Variants in GABRR1 observed in about 807,000 individuals in gnomAD.
GABRR1 encodes gamma-aminobutyric acid type A receptor subunit rho1, also known as gamma-aminobutyric acid receptor subunit rho-1.
GABRR1 carries 59 observed loss-of-function variants against 55.5 expected under a neutral mutation model. The observed-to-expected ratio is 1.06, with a 90% CI of 0.86 to 1.32. GABRR1 has a LOEUF of 1.32. Among genes scored for constraint, GABRR1 ranks in the 40% most tolerant of loss-of-function variants. GABRR1 has a pLI of 0.00. For synonymous variants in GABRR1, 213 were observed against 226.0 expected (o/e 0.94, Z 0.51); for missense variants, 602 against 619.1 (o/e 0.97, Z 0.29).
At position 89,185,465 on chromosome 6, in the gene GABRR1, G is replaced by T. The variant is rs1181968544; in HGVS notation, c.656-15C>A. The T allele has an allele frequency of 1.2e-6, 2 of 1,612,070 alleles. No individual in the cohort carries two copies. Among genetic ancestry groups the T allele is most frequent in the South Asian group, 1.1e-5 (1 of 91,020 alleles). ...TGTATAGGCATCTGAAAAGACAGGG[G>T]CCAGCATCAGACACAAGGTGGTGGC... is the stretch of plus-strand genomic sequence containing the variant. On this transcript the variant is annotated splice_polypyrimidine_tract_variant and intron_variant, in intron 6 of 9. Coordinates refer to ENST00000454853, the MANE Select transcript of GABRR1 (RefSeq NM_002042.5).
chr6:89,188,738 G>A (rs1414751652), intron 6 of GABRR1, among the ~76,000 whole-genome samples: 1 of 152,090 alleles, frequency 6.6e-6, no homozygotes, highest in African/African-American at 2.4e-5. Context: ...CTCTGATAAT[G>A]TCGATGCACA....
chr6:89,191,126 G>T (rs1772071648), intron 5 of GABRR1, among the ~76,000 whole-genome samples: 1 of 152,230 alleles, frequency 6.6e-6, no homozygotes, highest in Admixed American at 6.5e-5. Context: ...TCAAGGAAAA[G>T]AACATTCTTG....
intron 5 of GABRR1, among the ~76,000 whole-genome samples, chr6:89,196,822 GGAAA>G (rs59446411): frequency 0.031 from 2,802 of 91,036 alleles, 41 homozygotes; most frequent in East Asian, 0.043. Flanking sequence ...AAGAAAAGAA[GGAAA>G]GAAAGAAAGA....
chr6:89,196,416 G>C (rs1159499094), intron 5 of GABRR1, among the ~76,000 whole-genome samples: 2 of 152,014 alleles, frequency 1.3e-5, no homozygotes, highest in Non-Finnish European at 2.9e-5. Context: ...TGTAGCCTTG[G>C]TGGTGCCATT....
chr6:89,187,328 A>T (rs895328954), intron 6 of GABRR1, among the ~76,000 whole-genome samples: 1 of 152,122 alleles, frequency 6.6e-6, no homozygotes, highest in African/African-American at 2.4e-5. Context: ...TGTATTTATG[A>T]TGCATGATAA....
chr6:89,201,120 C>T (rs1041558612), intron 3 of GABRR1, 39 bp downstream of exon 3: 10 of 1,465,674 alleles, frequency 6.8e-6, no homozygotes, highest in Non-Finnish European at 9.6e-6. Context: ...GACAGAGGAC[C>T]AGAAGAAAGA....
rs1772395510 is a variant in GABRR1 at position 89,199,391 on chromosome 6, T to G, written c.319A>C (p.Ser107Arg). The G allele has an allele frequency of 6.2e-7, 1 of 1,613,750 alleles. No homozygotes were observed. Among genetic ancestry groups the G allele is most frequent in the Non-Finnish European group, 8.5e-7 (1 of 1,179,894 alleles). ...TCAACCTCTGAGATGCTATCCAAAC[T>G]CTCCACCTGCACATCCACACCAACA... ...IPVGVDVQVE[S>R]LDSISEVDMD... The change falls in exon 4 of 10, where the codon AGT (serine) becomes CGT (arginine). Residue 107 changes from serine to arginine, a missense_variant. Around this residue, in one of 3 missense-constraint regions of GABRR1, gnomAD observed 435 missense variants for 424.2 expected, o/e 1.03. Coordinates refer to ENST00000454853, the MANE Select transcript of GABRR1 (RefSeq NM_002042.5).
chr6:89,186,675 T>C (rs996474266), intron 6 of GABRR1, among the ~76,000 whole-genome samples: 4 of 152,272 alleles, frequency 2.6e-5, no homozygotes, highest in Admixed American at 1.3e-4. Flanking sequence ...AACTAAGTTC[T>C]GGAGACAATG....
In GABRR1 at chr6:89,212,235, A is replaced by G. The variant is rs1161360402; in HGVS notation, c.122+4966T>C. The G allele has an allele frequency of 6.3e-6, 2 of 318,782 alleles. 1 individual carries two copies. Among genetic ancestry groups the G allele is most frequent in the Non-Finnish European group, 8.3e-6 (2 of 241,144 alleles). 19.7% of individuals were successfully genotyped at this position (318,782 alleles called of 1,614,324 possible). A position where few individuals can be genotyped will look rare whatever the true frequency, so the allele number is the denominator to read the frequency against. ...CCCTGAAGCCAATCAGATTCTGACCATTCTAGCTCCTTGAAAGCTCTCATA... is the reference window on the plus strand; with the variant it reads ...CCCTGAAGCCAATCAGATTCTGACCGTTCTAGCTCCTTGAAAGCTCTCATA... On this transcript the variant is annotated intron_variant, in intron 1 of 9. Transcript: ENST00000454853.
At chr6:89,214,911 C>T (rs1772940650) in intron 1 of GABRR1, among the ~76,000 whole-genome samples, 1 of 152,088 alleles carries the variant, frequency 6.6e-6, no homozygotes, top group Non-Finnish European at 1.5e-5. Context: ...CCTGTAGTCC[C>T]AGCTATTCAA....
chr6:89,188,767 T>C (rs914859204), intron 6 of GABRR1, among the ~76,000 whole-genome samples: 2 of 152,186 alleles, frequency 1.3e-5, no homozygotes, highest in African/African-American at 4.8e-5. Flanking sequence ...AATTTTCATG[T>C]AGTCCAATTT....
At position 89,217,304 on chromosome 6, in the gene GABRR1, T is replaced by C. The variant is rs1490619719; in HGVS notation, c.19A>G (p.Met7Val). MLAVPN[M>V]RFGIFLLWWG... ...CACAAAAGAAAGATGCCAAATCTCA[T>C]ATTTGGGACAGCCAACATGGGTTTC... Residue 7 changes from methionine (M) to valine (V), a missense_variant, in exon 1 of 10, where the codon ATG becomes GTG. Transcript: ENST00000454853. 6.2e-7 allele frequency: 1 copy of C among 1,614,140 alleles called. No individual in the cohort carries two copies. The highest frequency in any genetic ancestry group is 8.5e-7 in the Non-Finnish European group (1 of 1,179,984).
At chr6:89,207,530 G>T (rs1024690525) in intron 1 of GABRR1, among the ~76,000 whole-genome samples, 1 of 152,116 alleles carries the variant, frequency 6.6e-6, no homozygotes, top group Admixed American at 6.5e-5. Context: ...TTATGATAAG[G>T]CTGAGATTCT....
intron 1 of GABRR1, chr6:89,231,141 C>T (rs1412630721): frequency 6.5e-6 from 1 of 153,646 alleles, no homozygotes; most frequent in Non-Finnish European, 1.4e-5. Flanking sequence ...TGCGCGCACC[C>T]ACTGGCCTGC....
rs200696506 is a variant in GABRR1 at position 89,178,823 on chromosome 6, A to G, written c.1387T>C (p.Phe463Leu). ...HAIDKYSRII[F>L]PAAYILFNLI... is the part of the protein sequence containing the mutation. The stretch of plus-strand genomic sequence containing the variant: ...TTGAATAAAATGTATGCTGCTGGAA[A>G]GATGATCCTGGAGTATTTATCAATG... Residue 463 changes from phenylalanine to leucine, a missense_variant, in exon 10 of 10, where the codon TTT (phenylalanine) becomes CTT (leucine). Physicochemically the swap from Phe to Leu is conservative, Grantham distance 22 (BLOSUM62 0). Transcript: ENST00000454853. The G allele has an allele frequency of 1.3e-5, 21 of 1,614,208 alleles. No individual in the cohort carries two copies. The East Asian group carries it at 4.2e-4, about 33-fold the overall frequency.
intron 1 of GABRR1, among the ~76,000 whole-genome samples, chr6:89,224,013 G>A (rs567182041): frequency 1.3e-5 from 2 of 151,770 alleles, no homozygotes; most frequent in African/African-American, 2.4e-5. Context: ...TGCCTGCCTC[G>A]GCCTCCCAAA....
At chr6:89,223,048 T>C (rs1046613602) in intron 1 of GABRR1, among the ~76,000 whole-genome samples, 46 of 145,222 alleles carry the variant, frequency 3.2e-4, no homozygotes, top group Non-Finnish European at 6.7e-4. Context: ...CTTGTCTAGA[T>C]TTTTTTTTTT....
At chr6:89,204,628 T>A (rs1772586049) in intron 1 of GABRR1, 2 of 1,278,028 alleles carry the variant, frequency 1.6e-6, no homozygotes, top group Non-Finnish European at 2.0e-6. Context: ...ATGGAACCAG[T>A]CACTGATGAA....
Position 89,180,349 on chromosome 6 carries a change from C to T in GABRR1, c.1089G>A (p.Ala363=), listed in dbSNP as rs149221561. The change falls in exon 9 of 10, where the codon GCG becomes GCA. Residue 363 remains alanine (A), a synonymous_variant. Coordinates refer to ENST00000454853, the MANE Select transcript of GABRR1 (RefSeq NM_002042.5). Reference sequence around the variant, plus strand: ...GCACAGTGGTCAGGTAGTTGACGGCCGCATACTCCAGCACCGAGAGGAACA... The same window carrying T: ...GCACAGTGGTCAGGTAGTTGACGGCTGCATACTCCAGCACCGAGAGGAACA... ...VFVFLSVLEY[A]AVNYLTTVQE... The T allele has an allele frequency of 1.1e-5, 17 of 1,613,816 alleles. No homozygotes were observed. Among genetic ancestry groups the T allele is most frequent in the East Asian group, 4.5e-5 (2 of 44,874 alleles).
Sources: allele counts gnomAD v4.1 joint callset (sites outside exome capture counted in the v4.1 genomes callset), GRCh38; gene constraint gnomAD v4.1.1; regional missense constraint gnomAD v4.1.1; transcripts MANE v1.5; gene names NCBI Gene and HGNC (gene_info 2026-07-23, HGNC 2026-07-21).